NFIB: variants seen among roughly 807,000 people sequenced by gnomAD.
NFIB encodes nuclear factor 1 B-type.
In NFIB, 11 loss-of-function variants were observed where a neutral mutation model predicts 61.5. The ratio of observed to expected loss-of-function variants is 0.18; its 90% CI spans 0.11 to 0.30. The LOEUF is 0.30. NFIB is among the 10% of genes least tolerant of loss of function. The pLI, the probability that NFIB is intolerant of heterozygous loss-of-function variation, is 1.00. For synonymous variants in NFIB, 260 were observed against 216.5 expected (o/e 1.20, Z -1.76); for missense variants, 471 against 608.9 (o/e 0.77, Z 2.38).
intron 2 of NFIB, among the ~76,000 whole-genome samples, chr9:14,242,688 T>C (rs2054482580): frequency 6.6e-6 from 1 of 152,230 alleles, no homozygotes; most frequent in African/African-American, 2.4e-5. Context: ...TTCTTATGCA[T>C]ATCTTATCAT....
intron 1 of NFIB, among the ~76,000 whole-genome samples, chr9:14,384,010 C>T (rs1297369228): frequency 6.6e-6 from 1 of 152,202 alleles, no homozygotes; most frequent in African/African-American, 2.4e-5. Flanking sequence ...GGTGCCCAGG[C>T]TCGTGATTGG....
chr9:14,116,443 A>T, intron 8 of NFIB, 97 bp from the exon 9 acceptor site: 1 of 1,276,644 alleles, frequency 7.8e-7, no homozygotes, highest in Non-Finnish European at 1.0e-6. Context: ...TGGATCCAGC[A>T]CACTGCGCAT....
At chr9:14,141,453 C>T (rs749798125) in intron 6 of NFIB, among the ~76,000 whole-genome samples, 16 of 152,068 alleles carry the variant, frequency 1.1e-4, no homozygotes, top group Non-Finnish European at 1.8e-4. Context: ...TAAAGATTTA[C>T]GGCTCATCGT....
At chr9:14,516,448 G>A in the NFIB span, among the ~76,000 whole-genome samples, 2 of 152,068 alleles carry the variant, frequency 1.3e-5, no homozygotes, top group African/African-American at 2.4e-5. Context: ...CATAAGGAAC[G>A]AAATTGTGTT....
At chr9:14,389,498 T>C (rs2061594241) in intron 1 of NFIB, among the ~76,000 whole-genome samples, 1 of 152,192 alleles carries the variant, frequency 6.6e-6, no homozygotes, top group African/African-American at 2.4e-5. Flanking sequence ...TTCCAATGTG[T>C]ACACTTTAAA....
At chr9:14,148,406 G>A (rs1436346863) in intron 5 of NFIB, among the ~76,000 whole-genome samples, 1 of 151,900 alleles carries the variant, frequency 6.6e-6, no homozygotes, top group East Asian at 1.9e-4. Flanking sequence ...GAGTCACTGT[G>A]CCCAGTGAAT....
chr9:14,474,643 A>G, the NFIB span, among the ~76,000 whole-genome samples: 4 of 152,214 alleles, frequency 2.6e-5, no homozygotes, highest in Non-Finnish European at 5.9e-5. Flanking sequence ...TTCTGAGGCC[A>G]AATTCCCCTC....
chr9:14,527,026 A>G, the NFIB span, among the ~76,000 whole-genome samples: 1 of 152,210 alleles, frequency 6.6e-6, no homozygotes, highest in Non-Finnish European at 1.5e-5. Flanking sequence ...CATACATGAA[A>G]ATAAATCATG....
intron 1 of NFIB, among the ~76,000 whole-genome samples, chr9:14,382,356 G>C (rs2061498566): frequency 6.6e-6 from 1 of 151,938 alleles, no homozygotes; most frequent in South Asian, 2.1e-4. Flanking sequence ...GAGAGAGAGA[G>C]AGAGAGAGGG....
intron 2 of NFIB, chr9:14,204,994 T>A (rs79484372): frequency 4.0e-4 from 110 of 276,832 alleles, no homozygotes; most frequent in African/African-American, 2.3e-3. Flanking sequence ...TGGCTTACAT[T>A]GCCAAGCTCA....
At chr9:14,154,103 T>C (rs1025400103) in intron 4 of NFIB, among the ~76,000 whole-genome samples, 3 of 152,182 alleles carry the variant, frequency 2.0e-5, no homozygotes, top group African/African-American at 7.2e-5. Flanking sequence ...TCTAGAAAGA[T>C]AATTTTCATC....
At position 14,313,447 on chromosome 9, in the gene NFIB, G is replaced by T; in HGVS notation, c.30+35C>A. On this transcript the variant is annotated intron_variant, in intron 1 of 10. Transcript: ENST00000380953. The surrounding 1 kb of genome is among the most constrained non-coding windows in gnomAD (Gnocchi z 4.5). Reference sequence around the variant, plus strand: ...AACAAAACAAAGGCATTTCGGGCCAGAGAGAAAGCTCGAGAAAGCGACCGA... The same window carrying T: ...AACAAAACAAAGGCATTTCGGGCCATAGAGAAAGCTCGAGAAAGCGACCGA... 1 of 1,613,662 alleles carries T rather than the reference G, an allele frequency of 6.2e-7. No homozygotes were observed. The highest frequency in any genetic ancestry group is 8.5e-7 in the Non-Finnish European group (1 of 1,179,746).
chr9:14,516,480 G>A, the NFIB span, among the ~76,000 whole-genome samples: 1 of 152,078 alleles, frequency 6.6e-6, no homozygotes, highest in Non-Finnish European at 1.5e-5. Flanking sequence ...TCAAAAAAAA[G>A]GCTTGGTTCT....
At chr9:14,510,446 A>G in the NFIB span, among the ~76,000 whole-genome samples, 4 of 152,226 alleles carry the variant, frequency 2.6e-5, no homozygotes, top group African/African-American at 9.6e-5. Flanking sequence ...TTGTGTGTGT[A>G]TGACAAAAGT....
chr9:14,520,632 T>G, the NFIB span, among the ~76,000 whole-genome samples: 1 of 152,328 alleles, frequency 6.6e-6, no homozygotes, highest in South Asian at 2.1e-4. Flanking sequence ...AGCACTTCTG[T>G]GCAGATATTA....
intron 1 of NFIB, among the ~76,000 whole-genome samples, chr9:14,330,077 A>G (rs2132846844): frequency 6.6e-6 from 1 of 152,244 alleles, no homozygotes; most frequent in South Asian, 2.1e-4. Context: ...AAGTGAGCCA[A>G]GATCGCGCCA....
the NFIB span, among the ~76,000 whole-genome samples, chr9:14,453,014 G>A: frequency 1.1e-4 from 16 of 152,290 alleles, no homozygotes; most frequent in Non-Finnish European, 1.5e-4. Context: ...GCTTTGTAAC[G>A]TGGTGCCTCT....
chr9:14,335,697 T>C (rs2132859733), intron 1 of NFIB, among the ~76,000 whole-genome samples: 1 of 152,346 alleles, frequency 6.6e-6, no homozygotes, highest in East Asian at 1.9e-4. Context: ...TTCGATGAAG[T>C]CAAAATTGTG....
intron 2 of NFIB, among the ~76,000 whole-genome samples, chr9:14,196,705 A>T (rs918745013): frequency 1.4e-5 from 2 of 140,418 alleles, no homozygotes; most frequent in Admixed American, 7.1e-5. Flanking sequence ...AAAAAAAAAA[A>T]CAGAGCCTAA....
Sources: gnomAD v4.1 joint callset for allele counts (sites outside exome capture counted in the v4.1 genomes callset) on GRCh38, gnomAD v4.1.1 for gene constraint, Gnocchi (gnomAD v3.1) non-coding constraint, MANE v1.5 for transcripts, NCBI Gene and HGNC (gene_info 2026-07-23, HGNC 2026-07-21) for gene names.